RORA: variants seen among roughly 807,000 people sequenced by gnomAD.
RORA encodes the protein RAR related orphan receptor A, also known as nuclear receptor ROR-alpha.
A neutral mutation model predicts 69.5 loss-of-function variants in RORA; 7 were observed. The observed-to-expected ratio is 0.10, with a 90% CI of 0.06 to 0.19. The LOEUF (loss-of-function observed/expected upper bound fraction) is 0.19. Ranked by LOEUF, RORA falls within the 10% of genes least tolerant of loss-of-function variation. The probability of loss-of-function intolerance (pLI) is 1.00; values close to 1 mark genes in which losing one functional copy is unlikely to be tolerated. For synonymous variants in RORA, 261 were observed against 240.8 expected, an observed-to-expected ratio of 1.08 and a Z score of -0.78; for missense variants, 457 against 663.0, an observed-to-expected ratio of 0.69 and a Z score of 3.41.
chr15:60,985,286 T>G (rs1419026487), intron 1 of RORA, among the ~76,000 whole-genome samples: 1 of 152,176 alleles, frequency 6.6e-6, no homozygotes, highest in Non-Finnish European at 1.5e-5. Flanking sequence ...ATTTAGAATT[T>G]AAATAGTATG....
chr15:61,192,465 C>T (rs1039807372), intron 1 of RORA, among the ~76,000 whole-genome samples: 17 of 152,176 alleles, frequency 1.1e-4, no homozygotes, highest in African/African-American at 4.1e-4. Context: ...CCAACAATGA[C>T]ATACCTGCTA....
At chr15:61,185,296 C>G (rs574208367) in intron 1 of RORA, among the ~76,000 whole-genome samples, 1 of 152,216 alleles carries the variant, frequency 6.6e-6, no homozygotes, top group African/African-American at 2.4e-5. Context: ...AGCCTCCAGA[C>G]CTGTTGATCC....
chr15:60,859,165 G>A (rs1036304149), intron 1 of RORA, among the ~76,000 whole-genome samples: 1 of 151,988 alleles, frequency 6.6e-6, no homozygotes, highest in Non-Finnish European at 1.5e-5. Context: ...CCAGTTCAGG[G>A]CTCCCACAGG....
At chr15:60,957,498 A>T (rs1893302834) in intron 1 of RORA, among the ~76,000 whole-genome samples, 1 of 152,260 alleles carries the variant, frequency 6.6e-6, no homozygotes, top group Non-Finnish European at 1.5e-5. Flanking sequence ...CTAATGTCCC[A>T]GGATTTATTT....
intron 1 of RORA, among the ~76,000 whole-genome samples, chr15:61,081,387 C>A (rs2078537623): frequency 1.3e-5 from 2 of 152,216 alleles, no homozygotes; most frequent in Admixed American, 1.3e-4. Context: ...GAAAGTGAGT[C>A]ATTTTTTAAA....
intron 2 of RORA, among the ~76,000 whole-genome samples, chr15:60,612,045 G>A (rs1245395056): frequency 6.6e-6 from 1 of 152,024 alleles, no homozygotes; most frequent in Non-Finnish European, 1.5e-5. Flanking sequence ...TTTCCCTGTT[G>A]GGCACAGGGA....
At chr15:60,860,231 C>T (rs2073424291) in intron 1 of RORA, among the ~76,000 whole-genome samples, 1 of 152,164 alleles carries the variant, frequency 6.6e-6, no homozygotes, top group Non-Finnish European at 1.5e-5. Context: ...TGTTCTCAAA[C>T]CATTCCAAAT....
chr15:60,516,003 A>ATATATATT (rs1567051277), intron 3 of RORA, among the ~76,000 whole-genome samples: 326 of 2,520 alleles, frequency 0.13, 15 homozygotes, highest in Non-Finnish European at 0.22. Flanking sequence ...ATATATATTT[A>ATATATATT]TATATATTTA....
At chr15:60,881,645 G>C (rs930922180) in intron 1 of RORA, among the ~76,000 whole-genome samples, 3 of 152,160 alleles carry the variant, frequency 2.0e-5, no homozygotes, top group Middle Eastern at 3.2e-3. Flanking sequence ...AGAGAGAAAA[G>C]AGAGTGGGAG....
intron 1 of RORA, among the ~76,000 whole-genome samples, chr15:60,834,372 C>T (rs1019286010): frequency 3.9e-5 from 6 of 152,132 alleles, no homozygotes; most frequent in African/African-American, 1.2e-4. Context: ...CTGTGAACAG[C>T]GGCACCACCC....
intron 2 of RORA, chr15:60,592,958 G>T (rs1387656336): frequency 4.4e-6 from 2 of 455,090 alleles, no homozygotes; most frequent in Admixed American, 4.7e-5. Context: ...AAATGCGCCA[G>T]CTCGTTGGTG....
chr15:61,103,968 T>C (rs957173997), intron 1 of RORA, among the ~76,000 whole-genome samples: 68 of 152,312 alleles, frequency 4.5e-4, no homozygotes, highest in African/African-American at 1.6e-3. Flanking sequence ...CTTGGCCAAT[T>C]TGTTTAATTT....
chr15:60,599,090 C>G (rs2068758778), intron 2 of RORA, among the ~76,000 whole-genome samples: 2 of 152,104 alleles, frequency 1.3e-5, no homozygotes, highest in Non-Finnish European at 2.9e-5. Flanking sequence ...AATAAAGTGC[C>G]ATGTAAGTCA....
intron 1 of RORA, among the ~76,000 whole-genome samples, chr15:61,121,937 T>G (rs2079108495): frequency 6.6e-6 from 1 of 151,760 alleles, no homozygotes. Context: ...TTAAAAGTGA[T>G]AGTAGAATAA....
intron 1 of RORA, among the ~76,000 whole-genome samples, chr15:60,882,125 G>A (rs1393959556): frequency 6.6e-6 from 1 of 152,106 alleles, no homozygotes; most frequent in African/African-American, 2.4e-5. Context: ...CATCTCTTAT[G>A]TCTCCCACTA....
At chr15:61,006,200 T>C (rs943363977) in intron 1 of RORA, among the ~76,000 whole-genome samples, 2 of 151,924 alleles carry the variant, frequency 1.3e-5, no homozygotes, top group Admixed American at 1.3e-4. Context: ...ATCTCTTGAC[T>C]TCGTGATCTG....
At chr15:60,713,890 G>T (rs1272703592) in intron 1 of RORA, among the ~76,000 whole-genome samples, 1 of 152,212 alleles carries the variant, frequency 6.6e-6, no homozygotes, top group Non-Finnish European at 1.5e-5. Flanking sequence ...CTGCCAACTG[G>T]CAGACTGCTG....
At chr15:60,865,565 G>A (rs949428134) in intron 1 of RORA, among the ~76,000 whole-genome samples, 1 of 152,232 alleles carries the variant, frequency 6.6e-6, no homozygotes, top group African/African-American at 2.4e-5. Context: ...GGTGCCAAGG[G>A]TGAGCGTCCT....
At chr15:60,841,149 C>G in intron 1 of RORA, 11 of 891,534 alleles carry the variant, frequency 1.2e-5, no homozygotes, top group Non-Finnish European at 1.5e-5. Flanking sequence ...TCTCTCCACG[C>G]CATCCCACAG....
Sources: allele counts gnomAD v4.1 joint callset (sites outside exome capture counted in the v4.1 genomes callset), GRCh38; gene constraint gnomAD v4.1.1; transcripts MANE v1.5; gene names NCBI Gene and HGNC (gene_info 2026-07-23, HGNC 2026-07-21).